XRCC4: variants seen among roughly 807,000 people sequenced by gnomAD.
The protein encoded by XRCC4 is X-ray repair cross complementing 4, also known as DNA repair protein XRCC4.
XRCC4 carries 28 observed loss-of-function variants against 39.1 expected under a neutral mutation model. That is an observed-to-expected ratio of 0.72 (90% CI 0.53 to 0.98). XRCC4 has a LOEUF of 0.98. Among genes scored for constraint, XRCC4 ranks in the 50% least tolerant of loss-of-function variants. The probability of loss-of-function intolerance (pLI) is 0.00; values close to 1 mark genes in which losing one functional copy is unlikely to be tolerated. For missense variants in XRCC4, 350 were observed against 376.4 expected (o/e 0.93, Z 0.58); for synonymous variants, 123 against 126.4 (o/e 0.97, Z 0.18).
intron 7 of XRCC4, among the ~76,000 whole-genome samples, chr5:83,330,781 G>C (rs1471982309): frequency 6.6e-6 from 1 of 151,954 alleles, no homozygotes; most frequent in Non-Finnish European, 1.5e-5. Flanking sequence ...TCATTGAGGA[G>C]CAATTTAAGA....
At chr5:83,096,893 A>G (rs1342088396) in intron 1 of XRCC4, among the ~76,000 whole-genome samples, 1 of 152,138 alleles carries the variant, frequency 6.6e-6, no homozygotes, top group Non-Finnish European at 1.5e-5. Context: ...CTAGTTTCCC[A>G]CAGTCCCACT....
At chr5:83,306,782 G>T (rs919941933) in intron 7 of XRCC4, among the ~76,000 whole-genome samples, 2 of 152,152 alleles carry the variant, frequency 1.3e-5, no homozygotes, top group Non-Finnish European at 1.5e-5. Context: ...GCTTTAGCCC[G>T]GGCAGTGACT....
intron 7 of XRCC4, among the ~76,000 whole-genome samples, chr5:83,337,480 G>C (rs1430509269): frequency 6.6e-6 from 1 of 152,154 alleles, no homozygotes; most frequent in Non-Finnish European, 1.5e-5. Flanking sequence ...GACTACCTGA[G>C]ACTTCCCTGT....
intron 7 of XRCC4, among the ~76,000 whole-genome samples, chr5:83,352,230 C>A (rs1045558601): frequency 6.6e-6 from 1 of 152,168 alleles, no homozygotes; most frequent in Non-Finnish European, 1.5e-5. Context: ...CTACCCCCGC[C>A]TTTGAACTTG....
In XRCC4 at chr5:83,233,948, G is replaced by A. The variant is rs189054617; in HGVS notation, c.746-24582G>A. On this transcript the variant is annotated intron_variant, in intron 6 of 7. Coordinates refer to ENST00000396027, the MANE Select transcript of XRCC4 (RefSeq NM_003401.5). ...ATTCTAGCTATCAACAACAATCACC[G>A]AGTGATAGACAGCACAGTTATTTAC... Among the ~76,000 whole-genome samples, 17 of 146,662 alleles carry A rather than the reference G, an allele frequency of 1.2e-4. 1 individual carries two copies. Among genetic ancestry groups the A allele is most frequent in the Admixed American group, 6.8e-5 (1 of 14,750 alleles).
chr5:83,218,677 T>C (rs1223781817), intron 6 of XRCC4, among the ~76,000 whole-genome samples: 3 of 152,108 alleles, frequency 2.0e-5, no homozygotes, highest in Non-Finnish European at 4.4e-5. Flanking sequence ...CTCAGACTAC[T>C]CTGAGAATTT....
chr5:83,165,428 G>A (rs1294895711), intron 3 of XRCC4, among the ~76,000 whole-genome samples: 1 of 152,092 alleles, frequency 6.6e-6, no homozygotes, highest in African/African-American at 2.4e-5. Flanking sequence ...ATTGCTTGTT[G>A]AAATTACTGA....
Position 83,111,111 on chromosome 5 carries a change from T to C in XRCC4, c.223T>C (p.Leu75=), listed in dbSNP as rs1746423505. ...TGTTGGTGAACTGAGAAAAGCATTG[T>C]TGTCAGGAGCAGGACCAGCTGATGT... ...KYVGELRKAL[L]SGAGPADVYT... The change falls in exon 3 of 8, where the codon TTG becomes CTG. Residue 75 remains leucine, a synonymous_variant. Transcript: ENST00000396027. 6.2e-7 allele frequency: 1 copy of C among 1,612,024 alleles called. No individual in the cohort carries two copies. Among genetic ancestry groups the C allele is most frequent in the Non-Finnish European group, 8.5e-7 (1 of 1,179,016 alleles).
At chr5:83,152,793 A>T (rs1328961205) in intron 3 of XRCC4, among the ~76,000 whole-genome samples, 1 of 152,170 alleles carries the variant, frequency 6.6e-6, no homozygotes, top group Non-Finnish European at 1.5e-5. Context: ...ATTTACAGAG[A>T]TCCTGTGTGT....
At position 83,111,296 on chromosome 5, in the gene XRCC4, C is replaced by T. The variant is rs28383152; in HGVS notation, c.315+93C>T. The T allele has an allele frequency of 6.0e-3, 5,895 of 979,146 alleles. 192 individuals are homozygous for T. The African/African-American group carries it at 0.085, about 14-fold the overall frequency. 60.7% of individuals were successfully genotyped at this position (979,146 alleles called of 1,614,324 possible). ...ATTTAAGTGACTACTATATTATTCC[C>T]AGAACACCTCAGAAGCAAAAGCTTG... On this transcript the variant is annotated intron_variant, in intron 3 of 7. Coordinates refer to ENST00000396027, the MANE Select transcript of XRCC4 (RefSeq NM_003401.5).
chr5:83,197,777 G>T (rs1751015070), intron 4 of XRCC4, among the ~76,000 whole-genome samples: 1 of 152,156 alleles, frequency 6.6e-6, no homozygotes, highest in South Asian at 2.1e-4. Flanking sequence ...TACTGTGTCA[G>T]ATGTCTTCTT....
At chr5:83,336,485 A>T (rs1756598822) in intron 7 of XRCC4, among the ~76,000 whole-genome samples, 1 of 152,032 alleles carries the variant, frequency 6.6e-6, no homozygotes, top group Non-Finnish European at 1.5e-5. Flanking sequence ...CCTATTGATA[A>T]TGGGGTCACA....
chr5:83,117,856 C>T (rs1368152161), intron 3 of XRCC4, among the ~76,000 whole-genome samples: 1 of 151,880 alleles, frequency 6.6e-6, no homozygotes, highest in Non-Finnish European at 1.5e-5. Flanking sequence ...AGGTAGTAAG[C>T]CCAGCATGCA....
chr5:83,297,127 G>C (rs1167207641), intron 7 of XRCC4, among the ~76,000 whole-genome samples: 1 of 151,708 alleles, frequency 6.6e-6, no homozygotes, highest in Non-Finnish European at 1.5e-5. Flanking sequence ...CAAAATATAA[G>C]TAAACTGAAT....
At chr5:83,128,886 G>C (rs1747411724) in intron 3 of XRCC4, among the ~76,000 whole-genome samples, 1 of 150,948 alleles carries the variant, frequency 6.6e-6, no homozygotes, top group African/African-American at 2.4e-5. Flanking sequence ...CCTTTTGTCA[G>C]ATGGGTAGAT....
chr5:83,124,585 G>A (rs1052176837), intron 3 of XRCC4, among the ~76,000 whole-genome samples: 1 of 152,000 alleles, frequency 6.6e-6, no homozygotes, highest in African/African-American at 2.4e-5. Context: ...AGCTGCTTTG[G>A]ACATTCATGT....
At chr5:83,264,365 A>G (rs1753879750) in intron 7 of XRCC4, among the ~76,000 whole-genome samples, 1 of 152,102 alleles carries the variant, frequency 6.6e-6, no homozygotes, top group African/African-American at 2.4e-5. Context: ...TCTTCTTTTT[A>G]ATGGAGTTTT....
intron 7 of XRCC4, among the ~76,000 whole-genome samples, chr5:83,347,032 A>C (rs1756936806): frequency 6.6e-6 from 1 of 152,178 alleles, no homozygotes; most frequent in Non-Finnish European, 1.5e-5. Flanking sequence ...TATATGTATA[A>C]GGATACTAAT....
At chr5:83,325,445 C>G (rs936292770) in intron 7 of XRCC4, among the ~76,000 whole-genome samples, 7 of 152,028 alleles carry the variant, frequency 4.6e-5, no homozygotes, top group Admixed American at 3.9e-4. Flanking sequence ...GTTATTCTTC[C>G]TGATGCTCTC....
Sources: allele counts gnomAD v4.1 joint callset (sites outside exome capture counted in the v4.1 genomes callset), GRCh38; gene constraint gnomAD v4.1.1; transcripts MANE v1.5; gene names NCBI Gene and HGNC (gene_info 2026-07-23, HGNC 2026-07-21).